GNA12: variants seen among roughly 807,000 people sequenced by gnomAD.
The protein encoded by GNA12 is guanine nucleotide-binding protein subunit alpha-12.
In GNA12, 9 loss-of-function variants were observed where a neutral mutation model predicts 26.0. The ratio of observed to expected loss-of-function variants is 0.35; its 90% CI spans 0.21 to 0.60. The LOEUF (loss-of-function observed/expected upper bound fraction) is 0.60. GNA12 is among the 20% of genes least tolerant of loss of function. GNA12 has a pLI of 0.78. For missense variants in GNA12, 405 were observed against 525.8 expected (o/e 0.77, Z 2.25); for synonymous variants, 264 against 219.6 (o/e 1.20, Z -1.79).
rs1162298820 is a variant in GNA12, at chr7:2,779,420, G to C, written c.525+15508C>G. On this transcript the variant is annotated intron_variant, in intron 2 of 3. Coordinates refer to ENST00000275364, the MANE Select transcript of GNA12 (RefSeq NM_007353.3). ...AGTTACTCGAGAGACTGAAGTGGGA[G>C]AATTGCTTGAACCTGCGAGTTCGAG... Among the ~76,000 whole-genome samples the C allele has an allele frequency of 2.0e-5, 3 of 151,802 alleles. No homozygotes were observed. In the East Asian group the frequency reaches 5.8e-4, roughly 29 times the overall value.
At chr7:2,786,120 G>A (rs1005761073) in intron 2 of GNA12, among the ~76,000 whole-genome samples, 2 of 152,148 alleles carry the variant, frequency 1.3e-5, no homozygotes, top group African/African-American at 4.8e-5. Flanking sequence ...GTGGGAGATG[G>A]TTCTGTATTT....
intron 1 of GNA12, among the ~76,000 whole-genome samples, chr7:2,809,386 G>A (rs1196905510): frequency 6.6e-6 from 1 of 152,184 alleles, no homozygotes; most frequent in Non-Finnish European, 1.5e-5. Flanking sequence ...GATCTGTCTT[G>A]TACCAAAGTT....
rs181563046 is a variant in GNA12, at chr7:2,760,636, G to A, written c.526-27135C>T. ...CTTTCCACACACATCCCTCAAGCAG[G>A]ACAGACCTGTCACTGTCCCTTTAAA... is the stretch of plus-strand genomic sequence containing the variant. On this transcript the variant is annotated intron_variant, in intron 2 of 3. Coordinates refer to ENST00000275364, the MANE Select transcript of GNA12 (RefSeq NM_007353.3). 4.6e-3 allele frequency among the ~76,000 whole-genome samples: 708 copies of A among 152,278 alleles called. 10 individuals are homozygous for A. Among genetic ancestry groups the A allele is most frequent in the East Asian group, 3.9e-3 (20 of 5,186 alleles).
intron 2 of GNA12, chr7:2,762,301 AC>A (rs1335998774): frequency 3.5e-6 from 1 of 284,974 alleles, no homozygotes; most frequent in Admixed American, 5.4e-5. Context: ...GCCGGCGTGC[AC>A]CCACCACTCA....
At position 2,731,918 on chromosome 7, in the gene GNA12, A is replaced by C. The variant is rs1442817910; in HGVS notation, c.577-168T>G. Among the ~76,000 whole-genome samples the C allele has an allele frequency of 6.6e-6, 1 of 152,224 alleles. No homozygotes were observed. Among genetic ancestry groups the C allele is most frequent in the Non-Finnish European group, 1.5e-5 (1 of 68,044 alleles). ...TTATAACATTATCAACTGGCCGTGA[A>C]ACAGAAAGAATCAAATACTTCATTT... On this transcript the variant is annotated intron_variant, in intron 3 of 3. Coordinates refer to ENST00000275364, the MANE Select transcript of GNA12 (RefSeq NM_007353.3). The surrounding 1 kb of genome is among the most constrained non-coding windows in gnomAD (Gnocchi z 6.0).
intron 1 of GNA12, among the ~76,000 whole-genome samples, chr7:2,825,490 A>T (rs1355658333): frequency 6.6e-6 from 1 of 152,236 alleles, no homozygotes; most frequent in Non-Finnish European, 1.5e-5. Flanking sequence ...TTCATTTCAC[A>T]TAATATGAAG....
chr7:2,783,244 G>C (rs1457851778), intron 2 of GNA12, among the ~76,000 whole-genome samples: 1 of 152,156 alleles, frequency 6.6e-6, no homozygotes, highest in Non-Finnish European at 1.5e-5. Flanking sequence ...GAGAAAGTTG[G>C]CTTCTACCAG....
intron 1 of GNA12, among the ~76,000 whole-genome samples, chr7:2,811,973 GT>G (rs955025178): frequency 6.6e-6 from 1 of 152,196 alleles, no homozygotes; most frequent in Non-Finnish European, 1.5e-5. Flanking sequence ...GCGCTTATTT[GT>G]TTCCCTAGAG....
Position 2,843,920 on chromosome 7 carries a change from T to C in GNA12, c.242A>G (p.His81Arg). 5 of 1,588,916 alleles carry C rather than the reference T, an allele frequency of 3.1e-6. No homozygotes were observed. Among genetic ancestry groups the C allele is most frequent in the Middle Eastern group, 2.1e-4 (1 of 4,748 alleles). Residue 81 changes from histidine to arginine, a missense_variant, in exon 1 of 4, where the codon CAC becomes CGC. By Grantham distance (29) the His-to-Arg change is conservative. Transcript: ENST00000275364. Reference protein sequence around the residue: ...STFLKQMRIIHGREFDQKALL... With the variant: ...STFLKQMRIIRGREFDQKALL... ...CGCCTTCTGGTCGAACTCGCGGCCG[T>C]GGATGATGCGCATCTGCTTGAGGAA...
chr7:2,813,566 C>T (rs1006312804), intron 1 of GNA12, among the ~76,000 whole-genome samples: 3 of 152,064 alleles, frequency 2.0e-5, no homozygotes, highest in Admixed American at 2.0e-4. Flanking sequence ...TCCGGGAGAG[C>T]TCTCAGGTGG....
At chr7:2,843,573 G>A (rs1245519261) in intron 1 of GNA12, among the ~76,000 whole-genome samples, 1 of 152,046 alleles carries the variant, frequency 6.6e-6, no homozygotes, top group African/African-American at 2.4e-5. Context: ...CTTGAGCCTG[G>A]GAGGTCGAGG....
chr7:2,775,556 T>C (rs1792055675), intron 2 of GNA12: 1 of 152,206 alleles, frequency 6.6e-6, no homozygotes, highest in Non-Finnish European at 1.5e-5. Context: ...GCCAGCTCTT[T>C]TCATAAACGC....
In GNA12 at chr7:2,805,220, G is replaced by C. The variant is rs77870002; in HGVS notation, c.310-10077C>G. Among the ~76,000 whole-genome samples, 1,452 of 152,330 alleles carry C rather than the reference G, an allele frequency of 9.5e-3. 10 individuals carry two copies. The highest frequency in any genetic ancestry group is 0.075 in the Middle Eastern group (22 of 294). ...TGCTTCAGAGAGGCCATAACAATCT[G>C]CGTTCATGGGACTAAGCGCCTGCCA... On this transcript the variant is annotated intron_variant, in intron 1 of 3. Coordinates refer to ENST00000275364, the MANE Select transcript of GNA12 (RefSeq NM_007353.3).
Position 2,771,016 on chromosome 7 carries a change from C to T in GNA12, c.525+23912G>A, listed in dbSNP as rs114066405. On this transcript the variant is annotated intron_variant, in intron 2 of 3. Coordinates refer to ENST00000275364, the MANE Select transcript of GNA12 (RefSeq NM_007353.3). ...TATTAAAATCAAAGAAAAGGCCAGG[C>T]GCCGTGGCTCACACCTGTAATCCCA... Among the ~76,000 whole-genome samples, 389 of 152,264 alleles carry T rather than the reference C, an allele frequency of 2.6e-3. 3 individuals are homozygous for T. The highest frequency in any genetic ancestry group is 9.0e-3 in the African/African-American group (373 of 41,554).
At chr7:2,748,947 A>T (rs925537922) in intron 2 of GNA12, among the ~76,000 whole-genome samples, 1 of 152,244 alleles carries the variant, frequency 6.6e-6, no homozygotes, top group African/African-American at 2.4e-5. Context: ...AATGCAAATC[A>T]AAACCACAAT....
At chr7:2,732,508 T>C (rs942492874) in intron 3 of GNA12, among the ~76,000 whole-genome samples, 1 of 152,186 alleles carries the variant, frequency 6.6e-6, no homozygotes, top group Non-Finnish European at 1.5e-5. Flanking sequence ...ATCGTGCCAC[T>C]GTACTCCAGC....
rs766596673 is a variant in GNA12, at chr7:2,731,601, G to A, written c.726C>T (p.Phe242=). The A allele has an allele frequency of 6.2e-5, 100 of 1,613,732 alleles. 1 individual carries two copies. Among genetic ancestry groups the A allele is most frequent in the African/African-American group, 1.5e-4 (11 of 74,902 alleles). ...RSQRQKWFQC[F]DGITSILFMV... is the part of the protein sequence containing the mutation. ...TGAACAGGATGGACGTGATCCCGTCGAAGCACTGGAACCACTTCTGGCGCT... is the reference window on the plus strand; with the variant it reads ...TGAACAGGATGGACGTGATCCCGTCAAAGCACTGGAACCACTTCTGGCGCT... Residue 242 remains phenylalanine, a synonymous_variant, in exon 4 of 4, where the codon TTC becomes TTT. Coordinates refer to ENST00000275364, the MANE Select transcript of GNA12 (RefSeq NM_007353.3). This position sits in a 1 kb window ranked among gnomAD's most constrained non-coding sequence, Gnocchi z 6.0.
chr7:2,794,463 G>A (rs1020470623), intron 2 of GNA12, among the ~76,000 whole-genome samples: 13 of 152,258 alleles, frequency 8.5e-5, no homozygotes, highest in Non-Finnish European at 1.3e-4. Flanking sequence ...TGGGCTTTGT[G>A]AAGTTTTTAG....
intron 2 of GNA12, among the ~76,000 whole-genome samples, chr7:2,767,485 T>TA (rs1791836437): frequency 6.6e-6 from 1 of 152,248 alleles, no homozygotes; most frequent in Non-Finnish European, 1.5e-5. Context: ...TACAATCACT[T>TA]ATGTGACCCT....
Sources: allele counts gnomAD v4.1 joint callset (sites outside exome capture counted in the v4.1 genomes callset), GRCh38; gene constraint gnomAD v4.1.1; non-coding constraint Gnocchi (gnomAD v3.1); transcripts MANE v1.5; gene names NCBI Gene and HGNC (gene_info 2026-07-23, HGNC 2026-07-21).